The following EPS15 variants were observed in gnomAD, a reference collection of about 807,000 sequenced individuals.
EPS15 encodes the protein epidermal growth factor receptor substrate 15.
Under a neutral mutation model 113.8 loss-of-function variants are expected in EPS15, and 72 were observed. The ratio of observed to expected loss-of-function variants is 0.63; its 90% CI spans 0.52 to 0.77. The LOEUF is 0.77. EPS15 is among the 30% of genes least tolerant of loss of function. The pLI, the probability that EPS15 is intolerant of heterozygous loss-of-function variation, is 0.00. For synonymous variants in EPS15, 344 were observed against 363.4 expected (o/e 0.95, Z 0.61); for missense variants, 1,048 against 1,045.8 (o/e 1.00, Z -0.03).
rs920408918 is a variant in EPS15, at chr1:51,416,898, C to G, written c.1113+4888G>C. 4.6e-5 allele frequency among the ~76,000 whole-genome samples: 7 copies of G among 150,892 alleles called. No individual in the cohort carries two copies. In the East Asian group the frequency reaches 1.4e-3, roughly 29 times the overall value. ...TAAAAGAAAACCTCTATAAACTAACCTACAATTAGAAATAATCAGATACAC... is the reference window on the plus strand; with the variant it reads ...TAAAAGAAAACCTCTATAAACTAACGTACAATTAGAAATAATCAGATACAC... On this transcript the variant is annotated intron_variant, in intron 13 of 24. Transcript: ENST00000371733.
intron 1 of EPS15, among the ~76,000 whole-genome samples, chr1:51,504,133 G>C (rs1382585034): frequency 1.3e-5 from 2 of 152,110 alleles, no homozygotes; most frequent in African/African-American, 4.8e-5. Flanking sequence ...TTCAGGCCAG[G>C]CAAGGTGGCT....
intron 5 of EPS15, among the ~76,000 whole-genome samples, chr1:51,468,102 G>A (rs7518049): frequency 0.016 from 2,499 of 152,070 alleles, 39 homozygotes; most frequent in Non-Finnish European, 0.02. Context: ...GGGACCAGAC[G>A]TGCACACCAA....
At chr1:51,389,995 C>T (rs567866307) in intron 21 of EPS15, among the ~76,000 whole-genome samples, 3 of 152,148 alleles carry the variant, frequency 2.0e-5, no homozygotes, top group Non-Finnish European at 4.4e-5. Context: ...CAAAAAAGAG[C>T]CTGCATCGCC....
At position 51,361,255 on chromosome 1, in the gene EPS15, A is replaced by C. The variant is rs190799583; in HGVS notation, c.2460T>G (p.Pro820=). The part of the protein sequence containing the change: ...PGNDSPKEKD[P]EIFCDPFTSA... ...AAGTGAATGGATCACAAAATATTTC[A>C]GGATCTTTTTCTTTGGGGCTATCGT... is the stretch of plus-strand genomic sequence containing the variant. Residue 820 remains proline, a synonymous_variant, in exon 24 of 25, where the codon CCT becomes CCG. Coordinates refer to ENST00000371733, the MANE Select transcript of EPS15 (RefSeq NM_001981.3). The C allele has an allele frequency of 6.2e-7, 1 of 1,613,956 alleles. No homozygotes were observed.
At chr1:51,475,554 A>G (rs560528445) in intron 2 of EPS15, among the ~76,000 whole-genome samples, 1 of 152,078 alleles carries the variant, frequency 6.6e-6, no homozygotes, top group Non-Finnish European at 1.5e-5. Context: ...AATTTGTCTA[A>G]GTTCTTTGTA....
chr1:51,383,779 C>G (rs1646994270), intron 21 of EPS15, among the ~76,000 whole-genome samples: 1 of 152,114 alleles, frequency 6.6e-6, no homozygotes, highest in African/African-American at 2.4e-5. Context: ...AAAAGGCATC[C>G]AGATTCAAAA....
intron 1 of EPS15, among the ~76,000 whole-genome samples, chr1:51,483,542 A>AC (rs1644061624): frequency 1.3e-5 from 2 of 151,644 alleles, no homozygotes; most frequent in Non-Finnish European, 2.9e-5. Context: ...GCACGGTGGC[A>AC]TGTGCCTGTA....
In EPS15 at chr1:51,403,481, C is replaced by A; in HGVS notation, c.1729G>T (p.Val577Leu). Reference sequence around the variant, plus strand: ...ACTTTTTCAGTAACAGCTGTAGTCACCTCATTTTCATCAGTCACACCAGAA... The same window carrying A: ...ACTTTTTCAGTAACAGCTGTAGTCAACTCATTTTCATCAGTCACACCAGAA... ...LPSGVTDENE[V>L]TTAVTEKVCS... The change falls in exon 17 of 25, where the codon GTG becomes TTG. Residue 577 changes from valine (V) to leucine (L), a missense_variant. Physicochemically the swap from Val to Leu is conservative, Grantham distance 32. Coordinates refer to ENST00000371733, the MANE Select transcript of EPS15 (RefSeq NM_001981.3). 6.2e-7 allele frequency: 1 copy of A among 1,609,960 alleles called. No homozygotes were observed. The highest frequency in any genetic ancestry group is 8.5e-7 in the Non-Finnish European group (1 of 1,178,138).
intron 1 of EPS15, among the ~76,000 whole-genome samples, chr1:51,514,587 T>C (rs531374838): frequency 6.6e-6 from 1 of 152,196 alleles, no homozygotes; most frequent in African/African-American, 2.4e-5. Flanking sequence ...AATCACACTA[T>C]TAGAGATTGC....
chr1:51,478,193 C>T (rs1029091285), intron 2 of EPS15, among the ~76,000 whole-genome samples: 1 of 152,062 alleles, frequency 6.6e-6, no homozygotes, highest in Non-Finnish European at 1.5e-5. Context: ...GAATTGATCC[C>T]TTTACCATTA....
chr1:51,487,408 C>T (rs1644145178), intron 1 of EPS15, among the ~76,000 whole-genome samples: 1 of 151,788 alleles, frequency 6.6e-6, no homozygotes, highest in Non-Finnish European at 1.5e-5. Context: ...TCTACTAATG[C>T]AATAAAAACT....
chr1:51,486,680 CT>C (rs1644130000), intron 1 of EPS15, among the ~76,000 whole-genome samples: 3 of 151,782 alleles, frequency 2.0e-5, no homozygotes, highest in South Asian at 4.2e-4. Flanking sequence ...ATTTTCTTTT[CT>C]TTTTTTTCTT....
chr1:51,362,470 T>A (rs187249252), intron 23 of EPS15, among the ~76,000 whole-genome samples: 167 of 152,310 alleles, frequency 1.1e-3, no homozygotes, highest in African/African-American at 3.8e-3. Flanking sequence ...TAGCATATTA[T>A]TTTACTTAAG....
intron 12 of EPS15, among the ~76,000 whole-genome samples, chr1:51,432,502 T>A (rs1432239141): frequency 6.6e-6 from 1 of 151,992 alleles, no homozygotes; most frequent in African/African-American, 2.4e-5. Flanking sequence ...AGGCACACAT[T>A]AAAAAATAAA....
At chr1:51,461,935 A>C in intron 7 of EPS15, 1 of 152,224 alleles carries the variant, frequency 6.6e-6, no homozygotes, top group East Asian at 1.9e-4. Flanking sequence ...CTACAATTCT[A>C]TAAGCTGGGA....
chr1:51,441,267 C>T (rs1652579089), intron 11 of EPS15, among the ~76,000 whole-genome samples: 1 of 152,038 alleles, frequency 6.6e-6, no homozygotes, highest in African/African-American at 2.4e-5. Context: ...ATAATTAACT[C>T]TTCAACAGAA....
intron 12 of EPS15, among the ~76,000 whole-genome samples, chr1:51,431,021 CACACACAA>C (rs375774684): frequency 0.033 from 4,222 of 129,480 alleles, 108 homozygotes; most frequent in African/African-American, 0.09. Context: ...CACACACACA[CACACACAA>C]AAATAAAACT....
chr1:51,486,872 G>A (rs538864723), intron 1 of EPS15, among the ~76,000 whole-genome samples: 27 of 151,926 alleles, frequency 1.8e-4, no homozygotes, highest in Non-Finnish European at 3.8e-4. Flanking sequence ...GCTTCATCAC[G>A]TTGGCCAGGC....
At chr1:51,480,446 A>G (rs1026794653) in intron 2 of EPS15, among the ~76,000 whole-genome samples, 1 of 152,240 alleles carries the variant, frequency 6.6e-6, no homozygotes. Context: ...TCCTGTCCAT[A>G]CCAACACAAA....
Sources: gnomAD v4.1 joint callset for allele counts (sites outside exome capture counted in the v4.1 genomes callset) on GRCh38, gnomAD v4.1.1 for gene constraint, MANE v1.5 for transcripts, NCBI Gene and HGNC (gene_info 2026-07-23, HGNC 2026-07-21) for gene names.